Variants in OSTM1 observed in about 807,000 individuals in gnomAD.
The protein encoded by OSTM1 is osteoclastogenesis associated transmembrane protein 1.
In OSTM1, 26 loss-of-function variants were observed where a neutral mutation model predicts 35.4. That is an observed-to-expected ratio of 0.73 (90% confidence interval 0.54 to 1.02). The LOEUF (loss-of-function observed/expected upper bound fraction) is 1.02, where lower values mean the gene tolerates loss of function less well. Among genes scored for constraint, OSTM1 ranks in the 50% least tolerant of loss-of-function variants. The probability of loss-of-function intolerance (pLI) is 0.00; values close to 1 mark genes in which losing one functional copy is unlikely to be tolerated. For synonymous variants in OSTM1, 181 were observed against 165.0 expected (o/e 1.10, Z -0.75); for missense variants, 366 against 409.6 (o/e 0.89, Z 0.92).
intron 1 of OSTM1, chr6:108,073,891 T>C (rs760992667): frequency 2.4e-4 from 74 of 314,552 alleles, no homozygotes; most frequent in African/African-American, 1.4e-3. Context: ...CCACTACCAG[T>C]GTCTCCACCC....
chr6:108,048,559 T>C (rs1250579141), intron 5 of OSTM1, among the ~76,000 whole-genome samples: 2 of 152,150 alleles, frequency 1.3e-5, no homozygotes, highest in Non-Finnish European at 2.9e-5. Flanking sequence ...TCAGCTATAG[T>C]TTCTTCCTGC....
In OSTM1 at chr6:108,058,915, A is replaced by G. The variant is rs76033356; in HGVS notation, c.518-4328T>C. Among the ~76,000 whole-genome samples, 283 of 152,344 alleles carry G rather than the reference A, an allele frequency of 1.9e-3. 2 individuals are homozygous for G. The highest frequency in any genetic ancestry group is 6.5e-3 in the African/African-American group (271 of 41,584). On this transcript the variant is annotated intron_variant, in intron 2 of 5. Transcript: ENST00000193322. ...TTTCCTCTGATGAATCAGAATATAC[A>G]TCGGGATTACACAGTGGTTCAACAG...
intron 1 of OSTM1, among the ~76,000 whole-genome samples, chr6:108,071,109 A>G (rs1299159646): frequency 1.3e-5 from 2 of 151,332 alleles, no homozygotes; most frequent in African/African-American, 2.4e-5. Flanking sequence ...AATGGCATGA[A>G]CCTGGGAGGT....
At chr6:108,062,519 T>C (rs988127070) in intron 2 of OSTM1, among the ~76,000 whole-genome samples, 1 of 151,002 alleles carries the variant, frequency 6.6e-6, no homozygotes, top group African/African-American at 2.4e-5. Context: ...GAGAATACTA[T>C]ATAAGCTTTT....
At position 108,072,998 on chromosome 6, in the gene OSTM1, G is replaced by A. The variant is rs566542337; in HGVS notation, c.402+1252C>T. Among the ~76,000 whole-genome samples, 81 of 152,122 alleles carry A rather than the reference G, an allele frequency of 5.3e-4. 1 individual carries two copies. The highest frequency in any genetic ancestry group is 1.0e-3 in the South Asian group (5 of 4,808). On this transcript the variant is annotated intron_variant, in intron 1 of 5. Transcript: ENST00000193322. ...TAATTTTTGTATTTTTAGTAGAGAC[G>A]GGGGTTTCACCATGTTGGCCACGCT...
At chr6:108,062,535 C>CTTTTTTTTTTT (rs780041339) in intron 2 of OSTM1, among the ~76,000 whole-genome samples, 118 of 130,994 alleles carry the variant, frequency 9.0e-4, no homozygotes, top group East Asian at 2.9e-3. Flanking sequence ...CTTTTCTTTT[C>CTTTTTTTTTTT]TTTTTTTTTT....
Position 108,041,429 on chromosome 6 carries a change from T to G in OSTM1, c.*3356A>C, listed in dbSNP as rs1196081669. 6.6e-6 allele frequency: 1 copy of G among 152,190 alleles called. No individual in the cohort carries two copies. Among genetic ancestry groups the G allele is most frequent in the Non-Finnish European group, 1.5e-5 (1 of 68,034 alleles). The allele number at this position is 152,190 out of a possible 1,614,324, so 9.4% of individuals were successfully genotyped here. A position where few individuals can be genotyped will look rare whatever the true frequency, so the allele number is the denominator to read the frequency against. ...TCAAATTATCTTTTAAAAGCCCTCT[T>G]TAATTCCAAGGAGATAAAGAAAGTT... On this transcript the variant is annotated 3_prime_UTR_variant, in exon 6 of 6. Transcript: ENST00000193322.
intron 1 of OSTM1, among the ~76,000 whole-genome samples, chr6:108,065,875 T>C (rs918762067): frequency 6.6e-6 from 1 of 152,200 alleles, no homozygotes; most frequent in African/African-American, 2.4e-5. Flanking sequence ...CCTGTATGAG[T>C]GTTCAATGTG....
At chr6:108,054,956 C>G (rs923915283) in intron 2 of OSTM1, among the ~76,000 whole-genome samples, 1 of 152,154 alleles carries the variant, frequency 6.6e-6, no homozygotes, top group Non-Finnish European at 1.5e-5. Flanking sequence ...AACTCATATG[C>G]CTTATCATTT....
intron 2 of OSTM1, among the ~76,000 whole-genome samples, chr6:108,059,993 T>C (rs1772243520): frequency 6.6e-6 from 1 of 152,270 alleles, no homozygotes; most frequent in Admixed American, 6.5e-5. Flanking sequence ...ACATATTAAA[T>C]GTATATGGCA....
intron 1 of OSTM1, among the ~76,000 whole-genome samples, chr6:108,070,381 C>T (rs1203932608): frequency 6.6e-6 from 1 of 152,162 alleles, no homozygotes; most frequent in African/African-American, 2.4e-5. Flanking sequence ...CTCTTTTGTT[C>T]TAAATTGCTA....
chr6:108,074,168 G>T, intron 1 of OSTM1, 82 bp downstream of exon 1: 1 of 1,366,248 alleles, frequency 7.3e-7, no homozygotes, highest in Non-Finnish European at 1.0e-6. Flanking sequence ...GGAAACTGAG[G>T]CCCCCAGCGC....
rs1444290531 is a variant in OSTM1, at chr6:108,051,212, G to A, written c.616-14C>T. The stretch of plus-strand genomic sequence containing the variant: ...ATGTGCATTCCCCTAAAATGACAAA[G>A]GCACATGTAATATATACAATAAACA... On this transcript the variant is annotated splice_polypyrimidine_tract_variant and intron_variant, in intron 3 of 5. Coordinates refer to ENST00000193322, the MANE Select transcript of OSTM1 (RefSeq NM_014028.4). 1.3e-6 allele frequency: 2 copies of A among 1,583,826 alleles called. No homozygotes were observed. Among genetic ancestry groups the A allele is most frequent in the Admixed American group, 3.3e-5 (2 of 59,942 alleles).
chr6:108,074,666 A>T lies in OSTM1; in HGVS notation c.-15T>A, dbSNP rs778813681. 4 of 1,535,010 alleles carry T rather than the reference A, an allele frequency of 2.6e-6. No individual in the cohort carries two copies. Among genetic ancestry groups the T allele is most frequent in the Non-Finnish European group, 3.5e-6 (4 of 1,146,960 alleles). On this transcript the variant is annotated 5_prime_UTR_variant, in exon 1 of 6. Transcript: ENST00000193322. Reference sequence around the variant, plus strand: ...CCCGGCTCCATCACCGGGCTCACACACCCCAGGGAGCCCACCGCCGCCTCT... The same window carrying T: ...CCCGGCTCCATCACCGGGCTCACACTCCCCAGGGAGCCCACCGCCGCCTCT...
intron 1 of OSTM1, among the ~76,000 whole-genome samples, chr6:108,069,172 AATT>A (rs1772437670): frequency 6.6e-6 from 1 of 152,220 alleles, no homozygotes; most frequent in Admixed American, 6.5e-5. Context: ...TGAATTAAAT[AATT>A]ATTTGTATAA....
At position 108,042,822 on chromosome 6, in the gene OSTM1, AATTTCCTT is replaced by A. The variant is rs1771895623; in HGVS notation, c.*1955_*1962del. ...ATTTAAAAATCCAAATAAAGCTTAC[AATTTCCTT>A]ATTTCCTTTATTTTAATGTGTCAAA... On this transcript the variant is annotated 3_prime_UTR_variant, in exon 6 of 6. Transcript: ENST00000193322. 6.6e-6 allele frequency: 1 copy of A among 152,180 alleles called. No individual in the cohort carries two copies. Among genetic ancestry groups the A allele is most frequent in the African/African-American group, 2.4e-5 (1 of 41,442 alleles). 9.4% of individuals were successfully genotyped at this position (152,180 alleles called of 1,614,324 possible).
intron 2 of OSTM1, among the ~76,000 whole-genome samples, chr6:108,061,477 GT>G (rs5878958): frequency 0.18 from 26,138 of 141,986 alleles, 3,228 homozygotes; most frequent in East Asian, 0.39. Flanking sequence ...GATCTTTGTA[GT>G]TTTTTTTTTT....
chr6:108,052,390 G>A (rs145714605), intron 3 of OSTM1, among the ~76,000 whole-genome samples: 5,965 of 146,176 alleles, frequency 0.041, 418 homozygotes, highest in Admixed American at 0.19. Context: ...CCGAGATCGC[G>A]CCACTGCACT....
chr6:108,047,506 G>A (rs561410063), intron 5 of OSTM1, among the ~76,000 whole-genome samples: 2 of 152,334 alleles, frequency 1.3e-5, no homozygotes, highest in South Asian at 2.1e-4. Flanking sequence ...AGAGAAACAT[G>A]GTGAATTTGT....
Sources: allele counts gnomAD v4.1 joint callset (sites outside exome capture counted in the v4.1 genomes callset), GRCh38; gene constraint gnomAD v4.1.1; transcripts MANE v1.5; gene names NCBI Gene and HGNC (gene_info 2026-07-23, HGNC 2026-07-21).